The following PDE1C variants were observed in gnomAD, a reference collection of about 807,000 sequenced individuals.
PDE1C encodes phosphodiesterase 1C.
PDE1C carries 62 observed loss-of-function variants against 93.1 expected under a neutral mutation model. That is an observed-to-expected ratio of 0.67 (90% CI 0.54 to 0.82). PDE1C has a LOEUF of 0.82. Ranked by LOEUF, PDE1C falls within the 40% of genes least tolerant of loss-of-function variation. The probability of loss-of-function intolerance (pLI) is 0.00; values close to 1 mark genes in which losing one functional copy is unlikely to be tolerated. For missense variants in PDE1C, 742 were observed against 884.6 expected (o/e 0.84, Z 2.04); for synonymous variants, 325 against 310.1 (o/e 1.05, Z -0.50).
At chr7:32,164,309 T>G in intron 3 of PDE1C, among the ~76,000 whole-genome samples, 1 of 152,176 alleles carries the variant, frequency 6.6e-6, no homozygotes, top group East Asian at 1.9e-4. Context: ...AGAAAAAGAT[T>G]TAGTGCAATA....
chr7:31,933,385 T>C (rs73308672), intron 2 of PDE1C, among the ~76,000 whole-genome samples: 5,147 of 152,232 alleles, frequency 0.034, 284 homozygotes, highest in African/African-American at 0.12. Context: ...ACAGTAAACA[T>C]TGAAATTGAA....
the PDE1C span, among the ~76,000 whole-genome samples, chr7:31,681,461 T>C: frequency 6.6e-6 from 1 of 152,160 alleles, no homozygotes; most frequent in Non-Finnish European, 1.5e-5. Flanking sequence ...TCCTCCCTTT[T>C]ATTCAAAACC....
chr7:32,422,181 C>T (rs908212505), intron 1 of PDE1C, among the ~76,000 whole-genome samples: 9 of 152,000 alleles, frequency 5.9e-5, no homozygotes, highest in Admixed American at 3.9e-4. Flanking sequence ...GAAGGCTGCT[C>T]GTGTCTATTT....
In PDE1C at chr7:32,107,984, AT is replaced by A. The variant is rs564275535; in HGVS notation, c.308+61800del. On this transcript the variant is annotated intron_variant, in intron 3 of 18. Coordinates refer to the PDE1C transcript ENST00000396193. ...CAAATTCTAGGGCAATCAAAAAGAA[AT>A]TTTTTTAAGTATAATTAATATACTA... 1.1e-3 allele frequency among the ~76,000 whole-genome samples: 167 copies of A among 151,798 alleles called. 1 individual carries two copies. The highest frequency in any genetic ancestry group is 3.8e-3 in the African/African-American group (159 of 41,530).
At chr7:32,407,864 T>C (rs952526497) in intron 1 of PDE1C, among the ~76,000 whole-genome samples, 1 of 152,144 alleles carries the variant, frequency 6.6e-6, no homozygotes, top group African/African-American at 2.4e-5. Context: ...TCTTCTGTTG[T>C]ACAGTATCCC....
chr7:32,261,720 G>A (rs76445324), intron 1 of PDE1C, among the ~76,000 whole-genome samples: 3,327 of 152,254 alleles, frequency 0.022, 122 homozygotes, highest in African/African-American at 0.075. Context: ...GCCCAGAAGT[G>A]TCTATAAACG....
At chr7:32,126,710 A>G (rs1799600602) in intron 3 of PDE1C, among the ~76,000 whole-genome samples, 1 of 152,188 alleles carries the variant, frequency 6.6e-6, no homozygotes, top group Non-Finnish European at 1.5e-5. Context: ...GAAATAGAAG[A>G]GTGAAATAAT....
rs1162637495 is a variant in PDE1C at position 32,338,957 on chromosome 7, C to T, written c.310+88865G>A. 4.0e-5 allele frequency among the ~76,000 whole-genome samples: 6 copies of T among 150,052 alleles called. No individual in the cohort carries two copies. The East Asian group carries it at 1.2e-3, about 30-fold the overall frequency. On this transcript the variant is annotated intron_variant, in intron 1 of 1. Transcript: ENST00000672256. ...GGTGGAGCTTGCAGTGACCCGAGAT[C>T]GTGCCACTGCACTCCAGCCTGGGCG...
chr7:31,715,606 C>T, the PDE1C span, among the ~76,000 whole-genome samples: 1 of 152,186 alleles, frequency 6.6e-6, no homozygotes, highest in Non-Finnish European at 1.5e-5. Context: ...TTGAGTCTGT[C>T]TTCTCCATGT....
At chr7:32,132,563 G>A (rs1357982018) in intron 3 of PDE1C, among the ~76,000 whole-genome samples, 1 of 152,174 alleles carries the variant, frequency 6.6e-6, no homozygotes, top group East Asian at 1.9e-4. Context: ...CTACTCAGGA[G>A]GTTGAGATAG....
At chr7:31,760,229 T>C (rs1336477379) in intron 17 of PDE1C, among the ~76,000 whole-genome samples, 4 of 152,220 alleles carry the variant, frequency 2.6e-5, no homozygotes, top group Non-Finnish European at 2.9e-5. Context: ...GTAGTTTCTC[T>C]CAATTTTATT....
intron 2 of PDE1C, among the ~76,000 whole-genome samples, chr7:31,996,225 T>C (rs1055725203): frequency 7.2e-5 from 11 of 152,130 alleles, no homozygotes; most frequent in African/African-American, 2.7e-4. Flanking sequence ...GATTACTCTA[T>C]GGACTTTGCA....
At chr7:31,948,858 C>T (rs1172670931) in intron 2 of PDE1C, among the ~76,000 whole-genome samples, 1 of 152,142 alleles carries the variant, frequency 6.6e-6, no homozygotes, top group Non-Finnish European at 1.5e-5. Context: ...TGGGGCACAG[C>T]AAAAAGAAAG....
chr7:32,166,308 T>C (rs1802267760), intron 3 of PDE1C, among the ~76,000 whole-genome samples: 1 of 152,162 alleles, frequency 6.6e-6, no homozygotes, highest in Non-Finnish European at 1.5e-5. Context: ...AGTCCAATTT[T>C]CGCACCTGGA....
intron 1 of PDE1C, among the ~76,000 whole-genome samples, chr7:32,376,022 T>G (rs937014191): frequency 6.6e-6 from 1 of 152,116 alleles, no homozygotes; most frequent in Non-Finnish European, 1.5e-5. Flanking sequence ...CCAAGGGTTG[T>G]GGCATGTGCC....
chr7:31,890,950 T>C (rs1244619538), intron 2 of PDE1C, among the ~76,000 whole-genome samples: 1 of 151,896 alleles, frequency 6.6e-6, no homozygotes, highest in Non-Finnish European at 1.5e-5. Flanking sequence ...GGGGAGGAAA[T>C]GATGGGAAAG....
At chr7:31,847,903 C>T in intron 9 of PDE1C, 65 bp downstream of exon 9, 2 of 1,552,954 alleles carry the variant, frequency 1.3e-6, no homozygotes, top group South Asian at 2.2e-5. Context: ...TCAAAAACAG[C>T]ATACTTCATC....
Position 31,954,324 on chromosome 7 carries a change from A to G in PDE1C, c.129-73464T>C, listed in dbSNP as rs536390002. On this transcript the variant is annotated intron_variant, in intron 2 of 17. Transcript: ENST00000396191. ...GGAGGCTGTAGCAGAAGGCAGTGCC[A>G]CAAAACAGAAAGAGCCTGAGTACCC... is the stretch of plus-strand genomic sequence containing the variant. Among the ~76,000 whole-genome samples, 6 of 152,328 alleles carry G rather than the reference A, an allele frequency of 3.9e-5. No homozygotes were observed. In the East Asian group the frequency reaches 1.2e-3, roughly 29 times the overall value.
chr7:31,694,130 C>G, the PDE1C span, among the ~76,000 whole-genome samples: 1 of 152,070 alleles, frequency 6.6e-6, no homozygotes, highest in African/African-American at 2.4e-5. Context: ...AAGACATATG[C>G]AGAAATAATA....
Sources: gnomAD v4.1 joint callset for allele counts (sites outside exome capture counted in the v4.1 genomes callset) on GRCh38, gnomAD v4.1.1 for gene constraint, MANE v1.5 for transcripts, NCBI Gene and HGNC (gene_info 2026-07-23, HGNC 2026-07-21) for gene names.